MEI4: variants seen among roughly 807,000 people sequenced by gnomAD.
MEI4 encodes meiotic double-stranded break formation protein 4.
A neutral mutation model predicts 31.4 loss-of-function variants in MEI4; 27 were observed. The ratio of observed to expected loss-of-function variants is 0.86; its 90% CI spans 0.63 to 1.19. MEI4 has a LOEUF of 1.19. Among genes scored for constraint, MEI4 ranks in the 50% most tolerant of loss-of-function variants. The probability of loss-of-function intolerance (pLI) is 0.00; values close to 1 mark genes in which losing one functional copy is unlikely to be tolerated. For missense variants in MEI4, 329 were observed against 398.9 expected (o/e 0.82, Z 1.49); for synonymous variants, 122 against 145.4 (o/e 0.84, Z 1.16).
In MEI4 at chr6:77,856,892, T is replaced by C. The variant is rs148877437; in HGVS notation, c.900+27830T>C. 1.4e-3 allele frequency among the ~76,000 whole-genome samples: 213 copies of C among 152,318 alleles called. 1 individual carries two copies. Among genetic ancestry groups the C allele is most frequent in the African/African-American group, 4.5e-3 (187 of 41,564 alleles). ...GTGCCCACTTGAGATTTCAGTTCCA[T>C]ATTTTGAGTACTTTTTGTATTATAT... On this transcript the variant is annotated intron_variant, in intron 4 of 4. Coordinates refer to ENST00000684080, the MANE Select transcript of MEI4 (RefSeq NM_001322247.2).
rs1175611634 is a variant in MEI4, at chr6:77,820,896, GTCTC to G, written c.769-8031_769-8028del. Reference sequence around the variant, plus strand: ...TTCCCATGTCGTTTCTTCTCCAGTAGTCTCTCTTAGTTTTTTTCTTTTTCTTTTT... The same window carrying G: ...TTCCCATGTCGTTTCTTCTCCAGTAGTCTTAGTTTTTTTCTTTTTCTTTTT... On this transcript the variant is annotated intron_variant, in intron 3 of 4. Coordinates refer to ENST00000684080, the MANE Select transcript of MEI4 (RefSeq NM_001322247.2). The surrounding 1 kb of genome is among the most constrained non-coding windows in gnomAD (Gnocchi z 4.5). Among the ~76,000 whole-genome samples the G allele has an allele frequency of 6.6e-6, 1 of 151,672 alleles. No individual in the cohort carries two copies. The highest frequency in any genetic ancestry group is 1.5e-5 in the Non-Finnish European group (1 of 67,932).
intron 4 of MEI4, among the ~76,000 whole-genome samples, chr6:77,916,486 T>C (rs950182434): frequency 2.0e-5 from 3 of 152,068 alleles, no homozygotes; most frequent in Admixed American, 6.6e-5. Context: ...TTGATGTTGA[T>C]CAGATTCTGG....
intron 2 of MEI4, among the ~76,000 whole-genome samples, chr6:77,701,680 C>T (rs1272757740): frequency 6.6e-6 from 1 of 151,112 alleles, no homozygotes; most frequent in African/African-American, 2.4e-5. Context: ...ACAGGATGAG[C>T]AATTGGTTAT....
At chr6:77,685,597 G>C (rs762653094) in intron 1 of MEI4, among the ~76,000 whole-genome samples, 1 of 151,734 alleles carries the variant, frequency 6.6e-6, no homozygotes, top group Non-Finnish European at 1.5e-5. Flanking sequence ...CTGTCCTTCT[G>C]TCATATTCAA....
intron 3 of MEI4, among the ~76,000 whole-genome samples, chr6:77,805,217 C>T (rs1469663540): frequency 6.6e-6 from 1 of 151,856 alleles, no homozygotes; most frequent in Non-Finnish European, 1.5e-5. Context: ...ACCATGTCAC[C>T]CCTTCAGCCT....
At chr6:77,679,026 T>A (rs35887048) in intron 1 of MEI4, among the ~76,000 whole-genome samples, 57,918 of 152,110 alleles carry the variant, frequency 0.38, 12,415 homozygotes, top group East Asian at 0.53. Flanking sequence ...GATATGGCTA[T>A]ACAATGTATA....
At chr6:77,680,143 A>G (rs1331426781) in intron 1 of MEI4, among the ~76,000 whole-genome samples, 7 of 148,006 alleles carry the variant, frequency 4.7e-5, no homozygotes, top group South Asian at 2.1e-4. Flanking sequence ...GCTGGGCGTG[A>G]TGGCGGGCGC....
chr6:77,839,673 G>A (rs1770310756), intron 4 of MEI4, among the ~76,000 whole-genome samples: 1 of 152,162 alleles, frequency 6.6e-6, no homozygotes, highest in Non-Finnish European at 1.5e-5. Context: ...AGAAGGTAGG[G>A]CAGAATTTGT....
intron 4 of MEI4, among the ~76,000 whole-genome samples, chr6:77,861,758 C>CA (rs1196190540): frequency 2.0e-5 from 3 of 152,244 alleles, no homozygotes; most frequent in African/African-American, 7.2e-5. Context: ...TCAGTTTTAT[C>CA]ATTTGTGAAA....
intron 3 of MEI4, among the ~76,000 whole-genome samples, chr6:77,768,008 T>C (rs1441950293): frequency 6.6e-6 from 1 of 152,174 alleles, no homozygotes; most frequent in East Asian, 1.9e-4. Context: ...TTATAGTTTA[T>C]AAAGTACTTT....
intron 2 of MEI4, among the ~76,000 whole-genome samples, chr6:77,735,069 T>G (rs552746123): frequency 6.6e-6 from 1 of 152,178 alleles, no homozygotes; most frequent in Admixed American, 6.5e-5. Flanking sequence ...CCCTTAACGT[T>G]TTTTCCTTCA....
intron 4 of MEI4, among the ~76,000 whole-genome samples, chr6:77,888,064 G>T (rs925084087): frequency 1.3e-5 from 2 of 151,836 alleles, no homozygotes; most frequent in Non-Finnish European, 2.9e-5. Context: ...AGTTTATTTT[G>T]TCTGATACAT....
intron 4 of MEI4, among the ~76,000 whole-genome samples, chr6:77,869,340 A>G (rs1291519783): frequency 1.3e-5 from 2 of 152,258 alleles, no homozygotes; most frequent in South Asian, 2.1e-4. Flanking sequence ...CTAATCCCCA[A>G]TACTATAGAA....
chr6:77,909,301 A>G (rs1242124491), intron 4 of MEI4, among the ~76,000 whole-genome samples: 1 of 152,154 alleles, frequency 6.6e-6, no homozygotes, highest in African/African-American at 2.4e-5. Context: ...CAAAACTGAT[A>G]GACCGCTAGC....
chr6:77,791,306 A>G (rs562580212), intron 3 of MEI4, among the ~76,000 whole-genome samples: 1 of 152,116 alleles, frequency 6.6e-6, no homozygotes, highest in Non-Finnish European at 1.5e-5. Context: ...GATAGACTGG[A>G]TTAAGAAAAT....
intron 4 of MEI4, among the ~76,000 whole-genome samples, chr6:77,875,441 C>T (rs964692432): frequency 6.6e-6 from 1 of 152,212 alleles, no homozygotes; most frequent in East Asian, 1.9e-4. Context: ...TGTTGTTTAA[C>T]AATGGTTTTA....
Position 77,806,487 on chromosome 6 carries a change from C to T in MEI4, c.769-22444C>T, listed in dbSNP as rs918058165. On this transcript the variant is annotated intron_variant, in intron 3 of 4. Transcript: ENST00000684080. ...TAACAGGTATTTCTATGGGGTGATT[C>T]TCACCCTGCCAAGATTCAGGGTATG... Among the ~76,000 whole-genome samples the T allele has an allele frequency of 2.0e-5, 3 of 151,980 alleles. No homozygotes were observed. In the South Asian group the frequency reaches 6.2e-4, roughly 32 times the overall value.
chr6:77,657,495 C>CAT (rs397822723), intron 1 of MEI4, among the ~76,000 whole-genome samples: 4 of 151,396 alleles, frequency 2.6e-5, no homozygotes, highest in African/African-American at 9.7e-5. Flanking sequence ...TCTTTGTGCA[C>CAT]TGTCAGCATC....
intron 3 of MEI4, among the ~76,000 whole-genome samples, chr6:77,822,993 G>C (rs569027961): frequency 2.6e-5 from 4 of 152,000 alleles, no homozygotes; most frequent in Non-Finnish European, 4.4e-5. Flanking sequence ...GGGACTAGCT[G>C]AGTCACTGGC....
Sources: gnomAD v4.1 joint callset for allele counts (sites outside exome capture counted in the v4.1 genomes callset) on GRCh38, gnomAD v4.1.1 for gene constraint, Gnocchi (gnomAD v3.1) non-coding constraint, MANE v1.5 for transcripts, NCBI Gene and HGNC (gene_info 2026-07-23, HGNC 2026-07-21) for gene names.